RORA: variants seen among roughly 807,000 people sequenced by gnomAD.
RORA encodes the protein nuclear receptor ROR-alpha.
A neutral mutation model predicts 69.5 loss-of-function variants in RORA; 7 were observed. The ratio of observed to expected loss-of-function variants is 0.10; its 90% CI spans 0.06 to 0.19. RORA has a LOEUF of 0.19. Ranked by LOEUF, RORA falls within the 10% of genes least tolerant of loss-of-function variation. RORA has a pLI of 1.00. For missense variants in RORA, 457 were observed against 663.0 expected (o/e 0.69, Z 3.41); for synonymous variants, 261 against 240.8 (o/e 1.08, Z -0.78).
intron 1 of RORA, among the ~76,000 whole-genome samples, chr15:60,772,940 C>T (rs553369528): frequency 5.8e-4 from 88 of 152,318 alleles, no homozygotes; most frequent in Admixed American, 9.1e-4. Flanking sequence ...TCTTAATTGC[C>T]GATTAAGATT....
At chr15:61,053,863 A>ATATATATATATATATATATATATAT (rs1555406156) in intron 1 of RORA, among the ~76,000 whole-genome samples, 79 of 137,048 alleles carry the variant, frequency 5.8e-4, no homozygotes, top group South Asian at 1.5e-3. Context: ...ATATATATAT[A>ATATATATATATATATATATATATAT]AACATTCTTC....
At chr15:60,968,798 A>C (rs1893629994) in intron 1 of RORA, among the ~76,000 whole-genome samples, 1 of 152,212 alleles carries the variant, frequency 6.6e-6, no homozygotes, top group Non-Finnish European at 1.5e-5. Context: ...CATCAAAATC[A>C]GTAAATTCGC....
intron 1 of RORA, among the ~76,000 whole-genome samples, chr15:61,156,717 G>C (rs1375002028): frequency 6.6e-6 from 1 of 152,186 alleles, no homozygotes; most frequent in African/African-American, 2.4e-5. Flanking sequence ...AAAACTTGAC[G>C]TCTTCTCCAG....
At chr15:60,592,819 G>T (rs1255573659) in intron 2 of RORA, 2 of 570,632 alleles carry the variant, frequency 3.5e-6, no homozygotes, top group East Asian at 1.4e-4. Flanking sequence ...TGTGGCCGCC[G>T]GTCGCTTTTC....
chr15:60,995,887 A>T (rs982555622), intron 1 of RORA, among the ~76,000 whole-genome samples: 21 of 152,224 alleles, frequency 1.4e-4, no homozygotes, highest in African/African-American at 4.8e-4. Flanking sequence ...AGTCAAGTTC[A>T]AGGGGAAAAT....
At chr15:60,834,159 T>C (rs1456512513) in intron 1 of RORA, among the ~76,000 whole-genome samples, 1 of 152,116 alleles carries the variant, frequency 6.6e-6, no homozygotes, top group African/African-American at 2.4e-5. Flanking sequence ...CATAGAAAAG[T>C]CTCTGCCTGG....
In RORA at chr15:61,063,124, A is replaced by G. The variant is rs900810079; in HGVS notation, c.166+165929T>C. Reference sequence around the variant, plus strand: ...CCAGGCTGGCCCTGTGAAGCCCACAAATCAGGACACGCCACTTAATGGCAC... The same window carrying G: ...CCAGGCTGGCCCTGTGAAGCCCACAGATCAGGACACGCCACTTAATGGCAC... On this transcript the variant is annotated intron_variant, in intron 1 of 10. Coordinates refer to ENST00000335670, the MANE Select transcript of RORA (RefSeq NM_134261.3). 3.9e-5 allele frequency among the ~76,000 whole-genome samples: 6 copies of G among 152,216 alleles called. No individual in the cohort carries two copies. In the East Asian group the frequency reaches 7.7e-4, roughly 20 times the overall value.
intron 2 of RORA, among the ~76,000 whole-genome samples, chr15:60,666,871 T>G (rs1299753926): frequency 1.3e-5 from 2 of 152,142 alleles, no homozygotes; most frequent in South Asian, 4.2e-4. Flanking sequence ...TACTTAGAAT[T>G]TAGACTCCTC....
intron 1 of RORA, among the ~76,000 whole-genome samples, chr15:60,947,049 G>A (rs182249429): frequency 1.5e-4 from 13 of 86,368 alleles, no homozygotes; most frequent in African/African-American, 4.0e-4. Context: ...CAGCCGCCCC[G>A]TCCGGGAGGG....
intron 2 of RORA, among the ~76,000 whole-genome samples, chr15:60,606,353 G>A (rs2068944578): frequency 6.6e-6 from 1 of 152,236 alleles, no homozygotes; most frequent in African/African-American, 2.4e-5. Flanking sequence ...CCATAGGAAA[G>A]CTGCAATGTA....
chr15:60,953,738 T>G (rs1014992199), intron 1 of RORA, among the ~76,000 whole-genome samples: 3 of 151,806 alleles, frequency 2.0e-5, no homozygotes, highest in African/African-American at 7.3e-5. Flanking sequence ...AAAACCACTA[T>G]GAGATACCAT....
At chr15:60,925,419 C>T (rs1892185657) in intron 1 of RORA, among the ~76,000 whole-genome samples, 1 of 152,204 alleles carries the variant, frequency 6.6e-6, no homozygotes, top group African/African-American at 2.4e-5. Flanking sequence ...TGTTGAGTTA[C>T]ACATATTGTT....
chr15:60,965,487 TA>T (rs1893529276), intron 1 of RORA, among the ~76,000 whole-genome samples: 1 of 152,172 alleles, frequency 6.6e-6, no homozygotes, highest in South Asian at 2.1e-4. Flanking sequence ...AGGAAATGCC[TA>T]ACTGTATAAT....
At chr15:60,514,310 C>G (rs1002100263) in intron 4 of RORA, among the ~76,000 whole-genome samples, 1 of 152,108 alleles carries the variant, frequency 6.6e-6, no homozygotes, top group African/African-American at 2.4e-5. Flanking sequence ...TGACACTTAC[C>G]GTCAGTCAAT....
chr15:61,031,408 A>G (rs1219742120), intron 1 of RORA, among the ~76,000 whole-genome samples: 1 of 152,022 alleles, frequency 6.6e-6, no homozygotes. Context: ...AAGTGGTAAC[A>G]CTCTTGGTCT....
chr15:60,594,142 C>T (rs1392699194), intron 2 of RORA, among the ~76,000 whole-genome samples: 1 of 152,092 alleles, frequency 6.6e-6, no homozygotes, highest in Non-Finnish European at 1.5e-5. Flanking sequence ...AAATGTGAAC[C>T]CAAGACCTAC....
At chr15:60,926,141 A>T (rs930135624) in intron 1 of RORA, among the ~76,000 whole-genome samples, 10 of 152,228 alleles carry the variant, frequency 6.6e-5, no homozygotes, top group African/African-American at 2.4e-4. Flanking sequence ...ACAGGTATAC[A>T]TCTATGGTTT....
intron 1 of RORA, among the ~76,000 whole-genome samples, chr15:61,094,694 T>C (rs1052358716): frequency 6.6e-5 from 10 of 152,196 alleles, no homozygotes; most frequent in Non-Finnish European, 2.9e-5. Context: ...AAAACATTAT[T>C]TGAGCCACTA....
intron 1 of RORA, among the ~76,000 whole-genome samples, chr15:61,112,291 G>GA (rs1566994444): frequency 2.0e-5 from 3 of 152,142 alleles, no homozygotes. Flanking sequence ...GTCATGGACT[G>GA]GGGGGCATGG....
Sources: allele counts gnomAD v4.1 joint callset (sites outside exome capture counted in the v4.1 genomes callset), GRCh38; gene constraint gnomAD v4.1.1; transcripts MANE v1.5; gene names NCBI Gene and HGNC (gene_info 2026-07-23, HGNC 2026-07-21).